Variants in CADM2 observed in about 807,000 individuals in gnomAD.
CADM2 encodes cell adhesion molecule 2.
Under a neutral mutation model 49.8 loss-of-function variants are expected in CADM2, and 12 were observed. That is an observed-to-expected ratio of 0.24 (90% CI 0.15 to 0.39). The LOEUF (loss-of-function observed/expected upper bound fraction) is 0.39. CADM2 is among the 10% of genes least tolerant of loss of function. CADM2 has a pLI of 1.00. For synonymous variants in CADM2, 214 were observed against 175.4 expected, an observed-to-expected ratio of 1.22 and a Z score of -1.74; for missense variants, 378 against 492.3, an observed-to-expected ratio of 0.77 and a Z score of 2.20.
At chr3:85,165,010 T>A (rs1165765730) in intron 1 of CADM2, among the ~76,000 whole-genome samples, 2 of 151,614 alleles carry the variant, frequency 1.3e-5, no homozygotes, top group African/African-American at 4.8e-5. Context: ...GAGTATCACA[T>A]TGAATGGAAA....
chr3:85,272,968 A>G (rs2043275927), intron 1 of CADM2, among the ~76,000 whole-genome samples: 1 of 151,328 alleles, frequency 6.6e-6, no homozygotes, highest in African/African-American at 2.4e-5. Flanking sequence ...ATGAACAACA[A>G]CAACAATTAG....
At chr3:85,570,684 T>C (rs2062449740) in intron 1 of CADM2, among the ~76,000 whole-genome samples, 1 of 152,166 alleles carries the variant, frequency 6.6e-6, no homozygotes, top group South Asian at 2.1e-4. Flanking sequence ...CCCTACATTA[T>C]TACAGATGGT....
At chr3:85,886,948 TTAAGTA>T (rs1235319489) in intron 5 of CADM2, among the ~76,000 whole-genome samples, 1 of 152,196 alleles carries the variant, frequency 6.6e-6, no homozygotes. Context: ...GGCTTGGTAT[TTAAGTA>T]TAAGAATTGT....
chr3:85,698,683 A>G (rs2066648943), intron 1 of CADM2, among the ~76,000 whole-genome samples: 1 of 152,178 alleles, frequency 6.6e-6, no homozygotes, highest in Admixed American at 6.5e-5. Flanking sequence ...GTGCTAAACC[A>G]TTAGAAACTG....
intron 2 of CADM2, among the ~76,000 whole-genome samples, chr3:85,746,347 A>G (rs991098864): frequency 2.0e-5 from 3 of 152,180 alleles, no homozygotes; most frequent in Admixed American, 1.3e-4. Context: ...ATGGATGTAT[A>G]TTTGGAAAAG....
intron 1 of CADM2, among the ~76,000 whole-genome samples, chr3:84,978,106 G>T (rs375781488): frequency 3.9e-5 from 6 of 152,026 alleles, no homozygotes; most frequent in East Asian, 1.9e-4. Flanking sequence ...TAAACATTAA[G>T]AAATTAATAT....
chr3:85,698,938 C>T (rs191520458), intron 1 of CADM2, among the ~76,000 whole-genome samples: 19 of 152,240 alleles, frequency 1.2e-4, no homozygotes, highest in Non-Finnish European at 1.5e-4. Context: ...CAAGGCTAGC[C>T]CCTTCTGCCT....
intron 1 of CADM2, among the ~76,000 whole-genome samples, chr3:85,480,315 T>C (rs922872336): frequency 4.6e-5 from 7 of 151,926 alleles, no homozygotes; most frequent in Non-Finnish European, 1.0e-4. Context: ...TCATTATAAA[T>C]ATTATATTCA....
chr3:85,169,057 A>T (rs906076650), intron 1 of CADM2, among the ~76,000 whole-genome samples: 2 of 152,036 alleles, frequency 1.3e-5, no homozygotes, highest in African/African-American at 4.8e-5. Context: ...GGTTCCAGGG[A>T]TTCTTCTGCC....
At chr3:85,831,295 TA>T (rs2074176716) in intron 3 of CADM2, among the ~76,000 whole-genome samples, 1 of 152,004 alleles carries the variant, frequency 6.6e-6, no homozygotes. Context: ...ATGAACATAT[TA>T]ATACATATGA....
At chr3:85,715,365 A>G (rs984100768) in intron 1 of CADM2, among the ~76,000 whole-genome samples, 1 of 152,238 alleles carries the variant, frequency 6.6e-6, no homozygotes, top group Admixed American at 6.5e-5. Context: ...AATCAGTAAA[A>G]TAGAATGCAT....
chr3:85,324,587 G>A (rs2044699340), intron 1 of CADM2, among the ~76,000 whole-genome samples: 1 of 151,940 alleles, frequency 6.6e-6, no homozygotes, highest in South Asian at 2.1e-4. Context: ...ACTAAACATG[G>A]CAATTTTTTT....
chr3:85,440,266 A>C (rs747418208), intron 1 of CADM2, among the ~76,000 whole-genome samples: 2 of 152,174 alleles, frequency 1.3e-5, no homozygotes, highest in Non-Finnish European at 2.9e-5. Flanking sequence ...TGATTACTAC[A>C]TAACTGTAAA....
chr3:85,403,196 C>T (rs1027484560), intron 1 of CADM2, among the ~76,000 whole-genome samples: 17 of 152,244 alleles, frequency 1.1e-4, no homozygotes, highest in Admixed American at 5.2e-4. Flanking sequence ...CTATCCCTCT[C>T]ATGATGATTT....
At chr3:85,995,426 G>T (rs1033876868) in intron 8 of CADM2, among the ~76,000 whole-genome samples, 4 of 152,036 alleles carry the variant, frequency 2.6e-5, no homozygotes, top group Admixed American at 6.6e-5. Context: ...GACACTCAAG[G>T]TATGATGATA....
chr3:85,535,206 C>T (rs2061398542), intron 1 of CADM2, among the ~76,000 whole-genome samples: 1 of 151,544 alleles, frequency 6.6e-6, no homozygotes, highest in African/African-American at 2.4e-5. Context: ...GAAATGTCAC[C>T]TGCCATTCAA....
intron 1 of CADM2, among the ~76,000 whole-genome samples, chr3:85,142,562 A>C (rs912226910): frequency 6.6e-6 from 1 of 152,184 alleles, no homozygotes; most frequent in African/African-American, 2.4e-5. Flanking sequence ...TTTTTGGATT[A>C]TTTTTATTGA....
At chr3:85,806,852 G>A (rs546030011) in intron 3 of CADM2, among the ~76,000 whole-genome samples, 2 of 152,226 alleles carry the variant, frequency 1.3e-5, no homozygotes, top group Non-Finnish European at 2.9e-5. Context: ...ATCTAATACT[G>A]TCATATTTCT....
At chr3:85,169,619 A>G (rs2040565693) in intron 1 of CADM2, among the ~76,000 whole-genome samples, 2 of 151,924 alleles carry the variant, frequency 1.3e-5, no homozygotes, top group African/African-American at 4.8e-5. Flanking sequence ...TAAAAGTACA[A>G]AAATCTGCGG....
Sources: allele counts gnomAD v4.1 joint callset (sites outside exome capture counted in the v4.1 genomes callset), GRCh38; gene constraint gnomAD v4.1.1; transcripts MANE v1.5; gene names NCBI Gene and HGNC (gene_info 2026-07-23, HGNC 2026-07-21).